Variants in PTPRK observed in about 807,000 individuals in gnomAD.
PTPRK encodes the protein protein tyrosine phosphatase receptor type K, also known as receptor-type tyrosine-protein phosphatase kappa.
In PTPRK, 75 loss-of-function variants were observed where a neutral mutation model predicts 178.0. The observed-to-expected ratio is 0.42, with a 90% CI of 0.35 to 0.51. The LOEUF is 0.51. Ranked by LOEUF, PTPRK falls within the 20% of genes least tolerant of loss-of-function variation. The pLI, the probability that PTPRK is intolerant of heterozygous loss-of-function variation, is 0.02. For synonymous variants in PTPRK, 637 were observed against 620.6 expected (o/e 1.03, Z -0.39); for missense variants, 1,441 against 1,797.8 (o/e 0.80, Z 3.59).
intron 1 of PTPRK, among the ~76,000 whole-genome samples, chr6:128,452,130 A>T (rs1847870373): frequency 6.6e-6 from 1 of 152,154 alleles, no homozygotes; most frequent in Non-Finnish European, 1.5e-5. Flanking sequence ...AGTCTCCAGC[A>T]CTGTTCTGCC....
chr6:128,447,006 A>G (rs987695598), intron 1 of PTPRK, among the ~76,000 whole-genome samples: 3 of 152,218 alleles, frequency 2.0e-5, no homozygotes, highest in Non-Finnish European at 4.4e-5. Flanking sequence ...TCTTAAGGAC[A>G]AGGATGATCC....
intron 7 of PTPRK, among the ~76,000 whole-genome samples, chr6:128,117,484 C>T (rs1345877024): frequency 6.6e-6 from 1 of 152,084 alleles, no homozygotes; most frequent in African/African-American, 2.4e-5. Context: ...AAGTTTGAAT[C>T]CATTGGCAAC....
intron 1 of PTPRK, among the ~76,000 whole-genome samples, chr6:128,418,168 T>C (rs917425386): frequency 3.5e-4 from 54 of 152,372 alleles, no homozygotes; most frequent in Admixed American, 9.8e-4. Context: ...TGTTAATTTT[T>C]AACATAATCA....
chr6:128,004,648 A>G (rs780389839), intron 15 of PTPRK, among the ~76,000 whole-genome samples: 2 of 151,842 alleles, frequency 1.3e-5, no homozygotes, highest in Non-Finnish European at 2.9e-5. Flanking sequence ...CTTTAATGCA[A>G]TGATTTTACC....
chr6:128,402,297 G>A (rs552580756), intron 1 of PTPRK, among the ~76,000 whole-genome samples: 8 of 152,116 alleles, frequency 5.3e-5, no homozygotes, highest in South Asian at 2.1e-4. Context: ...TCACTCTGTC[G>A]CCCAGGCTAG....
At chr6:128,110,755 A>T (rs551530126) in intron 7 of PTPRK, among the ~76,000 whole-genome samples, 1 of 152,290 alleles carries the variant, frequency 6.6e-6, no homozygotes, top group East Asian at 1.9e-4. Context: ...TTTTCAGTGT[A>T]TTGAGTGAAA....
intron 2 of PTPRK, among the ~76,000 whole-genome samples, chr6:128,369,256 A>C (rs1562373190): frequency 6.7e-6 from 1 of 149,674 alleles, no homozygotes; most frequent in Admixed American, 6.7e-5. Flanking sequence ...GATTATAGAG[A>C]GTGAGCTCTT....
chr6:128,399,692 T>G (rs1840779729), intron 1 of PTPRK, among the ~76,000 whole-genome samples: 1 of 152,198 alleles, frequency 6.6e-6, no homozygotes, highest in South Asian at 2.1e-4. Context: ...TGTATATAAA[T>G]TTAAACTACC....
chr6:128,096,348 T>G (rs1262353573), intron 7 of PTPRK, among the ~76,000 whole-genome samples: 1 of 152,186 alleles, frequency 6.6e-6, no homozygotes, highest in Non-Finnish European at 1.5e-5. Flanking sequence ...GCAAGATGAT[T>G]TAACACGTGG....
At chr6:128,489,732 T>C (rs1853494258) in intron 1 of PTPRK, among the ~76,000 whole-genome samples, 1 of 152,246 alleles carries the variant, frequency 6.6e-6, no homozygotes, top group Non-Finnish European at 1.5e-5. Context: ...CATGTATTCA[T>C]TATAAGTTTT....
At chr6:128,189,247 T>C (rs1386619868) in intron 6 of PTPRK, among the ~76,000 whole-genome samples, 1 of 136,720 alleles carries the variant, frequency 7.3e-6, no homozygotes, top group Non-Finnish European at 1.6e-5. Context: ...TTTTTTTTTT[T>C]TTTTTTTTTT....
At chr6:128,294,007 G>A (rs1415964923) in intron 3 of PTPRK, among the ~76,000 whole-genome samples, 1 of 152,044 alleles carries the variant, frequency 6.6e-6, no homozygotes, top group African/African-American at 2.4e-5. Context: ...GCTTATAGCT[G>A]TAGATGATTC....
Position 127,983,310 on chromosome 6 carries a change from C to G in PTPRK, c.3319G>C (p.Gly1107Arg). ...ACACAATTGTAAATATCAACAACAC[C>G]CTCTCTTTCAGCCATGTCTAGCATG... is the stretch of plus-strand genomic sequence containing the variant. ...DIMLDMAERE[G>R]VVDIYNCVKA... Residue 1107 changes from glycine to arginine, a missense_variant, in exon 23 of 30, where the codon GGT (glycine) becomes CGT (arginine). Gly to Arg is a moderately radical substitution (Grantham distance 125). Transcript: ENST00000368226. 6.2e-7 allele frequency: 1 copy of G among 1,613,404 alleles called. No homozygotes were observed. Among genetic ancestry groups the G allele is most frequent in the Non-Finnish European group, 8.5e-7 (1 of 1,179,530 alleles).
chr6:128,136,945 C>T (rs1367580787), intron 7 of PTPRK, among the ~76,000 whole-genome samples: 1 of 152,120 alleles, frequency 6.6e-6, no homozygotes, highest in East Asian at 1.9e-4. Flanking sequence ...TTATTGTTCT[C>T]CAATAGCCCA....
chr6:128,261,814 A>G (rs1031683510), intron 3 of PTPRK, among the ~76,000 whole-genome samples: 1 of 152,204 alleles, frequency 6.6e-6, no homozygotes, highest in Non-Finnish European at 1.5e-5. Flanking sequence ...AGCTATATTA[A>G]CAGTTAAAAG....
chr6:128,140,582 AT>A (rs1387336319), intron 7 of PTPRK, among the ~76,000 whole-genome samples: 4 of 151,696 alleles, frequency 2.6e-5, no homozygotes, highest in African/African-American at 4.8e-5. Context: ...TTATAGAAAA[AT>A]TTTTTTTCAA....
At chr6:128,376,879 CACCTTTGCTCCGGTTCCCAA>C (rs1837163905) in intron 2 of PTPRK, among the ~76,000 whole-genome samples, 1 of 152,156 alleles carries the variant, frequency 6.6e-6, no homozygotes, top group Non-Finnish European at 1.5e-5. Flanking sequence ...TAACAAGAGT[CACCTTTGCTCCGGTTCCCAA>C]CAAGTTCCTC....
chr6:128,104,796 G>C (rs1162398346), intron 7 of PTPRK, among the ~76,000 whole-genome samples: 1 of 151,998 alleles, frequency 6.6e-6, no homozygotes, highest in African/African-American at 2.4e-5. Context: ...CCCTTAACAT[G>C]GTTTAATGCT....
chr6:128,020,909 T>C (rs1773406741), intron 13 of PTPRK, among the ~76,000 whole-genome samples: 1 of 152,160 alleles, frequency 6.6e-6, no homozygotes, highest in African/African-American at 2.4e-5. Flanking sequence ...ATACACAACA[T>C]GGTTTAAATC....
Sources: allele counts gnomAD v4.1 joint callset (sites outside exome capture counted in the v4.1 genomes callset), GRCh38; gene constraint gnomAD v4.1.1; transcripts MANE v1.5; gene names NCBI Gene and HGNC (gene_info 2026-07-23, HGNC 2026-07-21).